The following PROX1 variants were observed in gnomAD, a reference collection of about 807,000 sequenced individuals.
PROX1 encodes prospero homeobox protein 1.
Under a neutral mutation model 58.8 loss-of-function variants are expected in PROX1, and 7 were observed. The ratio of observed to expected loss-of-function variants is 0.12; its 90% confidence interval spans 0.07 to 0.22. PROX1 has a LOEUF of 0.22. PROX1 is among the 10% of genes least tolerant of loss of function. The pLI is 1.00. For missense variants in PROX1, 675 were observed against 927.8 expected, an observed-to-expected ratio of 0.73 and a Z score of 3.54; for synonymous variants, 350 against 358.3, an observed-to-expected ratio of 0.98 and a Z score of 0.26.
intron 4 of PROX1, among the ~76,000 whole-genome samples, chr1:214,018,553 C>T (rs564610506): frequency 5.3e-5 from 8 of 152,168 alleles, no homozygotes; most frequent in Non-Finnish European, 1.0e-4. Context: ...AAAAGAGAAC[C>T]GTCTATTAAT....
chr1:214,013,975 C>A (rs1047244063), intron 4 of PROX1, among the ~76,000 whole-genome samples: 14 of 152,160 alleles, frequency 9.2e-5, no homozygotes, highest in Non-Finnish European at 1.2e-4. Flanking sequence ...ACTTACACAT[C>A]CATATGCACA....
chr1:214,041,326 C>T lies in PROX1; in HGVS notation c.*5492C>T, dbSNP rs1664999494. The T allele has an allele frequency of 6.6e-6, 1 of 151,972 alleles. No homozygotes were observed. Among genetic ancestry groups the T allele is most frequent in the South Asian group, 2.1e-4 (1 of 4,826 alleles). The allele number at this position is 151,972 out of a possible 1,614,324, so 9.4% of individuals were successfully genotyped here. On this transcript the variant is annotated 3_prime_UTR_variant, in exon 5 of 5. Coordinates refer to ENST00000366958, the MANE Select transcript of PROX1 (RefSeq NM_001270616.2). ...CTGTATCCAATTGTAGGACAGTAGG[C>T]TAGTTGTGCCAGTAATGTCAAGTAT...
chr1:214,034,431 T>C (rs978754074), intron 4 of PROX1, among the ~76,000 whole-genome samples: 1 of 152,226 alleles, frequency 6.6e-6, no homozygotes, highest in Non-Finnish European at 1.5e-5. Flanking sequence ...TCCTCATACG[T>C]CTGCACTTAA....
chr1:213,989,636 A>T (rs1662948909), intron 1 of PROX1: 1 of 151,562 alleles, frequency 6.6e-6, no homozygotes, highest in Non-Finnish European at 1.5e-5. Context: ...TGAGCAGATC[A>T]GGAGGGGGAC....
Position 214,039,977 on chromosome 1 carries a change from C to T in PROX1, c.*4143C>T, listed in dbSNP as rs1664960356. On this transcript the variant is annotated 3_prime_UTR_variant, in exon 5 of 5. Transcript: ENST00000366958. ...GTATATGTGAAGACAGTGCAAAAATCTCTTTGCCATGTATATTATAGCGTA... is the reference window on the plus strand; with the variant it reads ...GTATATGTGAAGACAGTGCAAAAATTTCTTTGCCATGTATATTATAGCGTA... 1.3e-5 allele frequency: 2 copies of T among 152,182 alleles called. No homozygotes were observed. Among genetic ancestry groups the T allele is most frequent in the Non-Finnish European group, 2.9e-5 (2 of 68,026 alleles). 9.4% of individuals were successfully genotyped at this position (152,182 alleles called of 1,614,324 possible).
chr1:214,007,067 C>T (rs139573960), intron 3 of PROX1, among the ~76,000 whole-genome samples: 44 of 152,260 alleles, frequency 2.9e-4, no homozygotes, highest in African/African-American at 1.0e-3. Context: ...AGCATGCGTG[C>T]ATGTGTGTGG....
chr1:214,014,951 G>A (rs1055332393), intron 4 of PROX1, among the ~76,000 whole-genome samples: 2 of 152,156 alleles, frequency 1.3e-5, no homozygotes, highest in African/African-American at 2.4e-5. Context: ...AAAGCAGATG[G>A]GGAAAGTTTA....
intron 4 of PROX1, chr1:214,029,462 C>G (rs1664571403): frequency 6.6e-6 from 1 of 152,070 alleles, no homozygotes; most frequent in Non-Finnish European, 1.5e-5. Context: ...ACCTTTGACC[C>G]CTTTCAGATG....
At chr1:214,032,502 C>T (rs1272865262) in intron 4 of PROX1, among the ~76,000 whole-genome samples, 1 of 152,062 alleles carries the variant, frequency 6.6e-6, no homozygotes, top group Non-Finnish European at 1.5e-5. Context: ...TCAAGCCATC[C>T]TCTCACCTCC....
intron 3 of PROX1, among the ~76,000 whole-genome samples, chr1:214,006,932 T>C (rs1335997889): frequency 1.3e-5 from 2 of 152,164 alleles, no homozygotes; most frequent in Non-Finnish European, 1.5e-5. Context: ...ACTGCACACA[T>C]AGGTGTCACT....
chr1:214,016,886 T>C (rs1664115667), intron 4 of PROX1, among the ~76,000 whole-genome samples: 1 of 152,188 alleles, frequency 6.6e-6, no homozygotes, highest in Non-Finnish European at 1.5e-5. Flanking sequence ...GGTAATGTCA[T>C]TGCATTTTTA....
intron 4 of PROX1, among the ~76,000 whole-genome samples, chr1:214,015,882 G>T (rs1336269894): frequency 2.0e-5 from 3 of 152,162 alleles, no homozygotes; most frequent in African/African-American, 7.2e-5. Flanking sequence ...CCCCTCAGTG[G>T]CTAGTCATTC....
rs577170223 is a variant in PROX1 at position 214,036,216 on chromosome 1, T to C, written c.*382T>C. Reference sequence around the variant, plus strand: ...ATGGCGGTTGGCTGAGGAAAACCCATGACACAGCACAACTCTACAGACAGT... The same window carrying C: ...ATGGCGGTTGGCTGAGGAAAACCCACGACACAGCACAACTCTACAGACAGT... On this transcript the variant is annotated 3_prime_UTR_variant, in exon 5 of 5. Transcript: ENST00000366958. 1 of 160,458 alleles carries C rather than the reference T, an allele frequency of 6.2e-6. No individual in the cohort carries two copies. The highest frequency in any genetic ancestry group is 1.8e-4 in the East Asian group (1 of 5,538). The allele number at this position is 160,458 out of a possible 1,614,324, so 9.9% of individuals were successfully genotyped here. A position where few individuals can be genotyped will look rare whatever the true frequency, so the allele number is the denominator to read the frequency against.
chr1:214,034,008 T>A (rs10494972), intron 4 of PROX1, among the ~76,000 whole-genome samples: 19,926 of 152,146 alleles, frequency 0.13, 2,279 homozygotes, highest in African/African-American at 0.3. Context: ...ACACTGGGAA[T>A]TATGTCCTAA....
intron 4 of PROX1, among the ~76,000 whole-genome samples, chr1:214,014,007 A>T (rs1664009204): frequency 6.6e-6 from 1 of 152,158 alleles, no homozygotes; most frequent in Non-Finnish European, 1.5e-5. Flanking sequence ...ACCACCACAC[A>T]TAATCCTAAT....
intron 1 of PROX1, among the ~76,000 whole-genome samples, chr1:213,990,630 CAGAGAGAGAG>C (rs71165943): frequency 5.0e-5 from 7 of 139,606 alleles, no homozygotes; most frequent in South Asian, 4.7e-4. Flanking sequence ...CTGTGCTTGG[CAGAGAGAGAG>C]AGAGAGAGAG....
At chr1:213,993,344 C>T (rs1438473528) in intron 1 of PROX1, among the ~76,000 whole-genome samples, 1 of 152,064 alleles carries the variant, frequency 6.6e-6, no homozygotes, top group Non-Finnish European at 1.5e-5. Context: ...TGTTAAAATG[C>T]AAATATGATA....
intron 4 of PROX1, among the ~76,000 whole-genome samples, chr1:214,027,849 C>T (rs921122850): frequency 2.0e-5 from 3 of 149,664 alleles, no homozygotes; most frequent in Admixed American, 6.8e-5. Context: ...ATTGTTCTTT[C>T]GAAGCTTTAT....
At position 213,998,164 on chromosome 1, in the gene PROX1, G is replaced by T. The variant is rs760330623; in HGVS notation, c.1629G>T (p.Pro543=). The change falls in exon 2 of 5, where the codon CCG becomes CCT. Residue 543 remains proline, a synonymous_variant. Transcript: ENST00000366958. ...ACCACCCTTGTTCACCAGCACACCC[G>T]CCCAGCACCGCCGAAGGGCTCTCCT... is the stretch of plus-strand genomic sequence containing the variant. The part of the protein sequence containing the change: ...LSHHPCSPAH[P]PSTAEGLSLS... 2 of 1,614,072 alleles carry T rather than the reference G, an allele frequency of 1.2e-6. No homozygotes were observed. The highest frequency in any genetic ancestry group is 1.1e-5 in the South Asian group (1 of 91,066).
Sources: allele counts gnomAD v4.1 joint callset (sites outside exome capture counted in the v4.1 genomes callset), GRCh38; gene constraint gnomAD v4.1.1; transcripts MANE v1.5; gene names NCBI Gene and HGNC (gene_info 2026-07-23, HGNC 2026-07-21).